SLCO4A1: variants seen among roughly 807,000 people sequenced by gnomAD.
SLCO4A1 encodes colon organic anion transporter.
A neutral mutation model predicts 64.6 loss-of-function variants in SLCO4A1; 51 were observed. The ratio of observed to expected loss-of-function variants is 0.79; its 90% confidence interval spans 0.63 to 1.00. The LOEUF (loss-of-function observed/expected upper bound fraction) is 1.00. Ranked by LOEUF, SLCO4A1 falls within the 50% of genes least tolerant of loss-of-function variation. SLCO4A1 has a pLI of 0.00. For synonymous variants in SLCO4A1, 471 were observed against 444.9 expected (o/e 1.06, Z -0.74); for missense variants, 919 against 980.5 (o/e 0.94, Z 0.84).
rs748935189 is a variant in SLCO4A1 at position 62,666,424 on chromosome 20, G to A, written c.1321G>A (p.Gly441Ser). 1.1e-5 allele frequency: 18 copies of A among 1,613,048 alleles called. No individual in the cohort carries two copies. The highest frequency in any genetic ancestry group is 3.3e-5 in the South Asian group (3 of 91,084). ...PAGGGGTFLG[G>S]FFVNKLRLRG... The stretch of plus-strand genomic sequence containing the variant: ...GGGTGGTGGCGGCACCTTCCTGGGC[G>A]GCTTCTTTGTGAACAAGCTCAGGCT... The change falls in exon 7 of 12, where the codon GGC becomes AGC. Residue 441 changes from glycine to serine, a missense_variant. By Grantham distance (56) the Gly-to-Ser change is moderately conservative. Coordinates refer to ENST00000217159, the MANE Select transcript of SLCO4A1 (RefSeq NM_016354.4).
chr20:62,681,795 C>G (rs575998587), intron 2 of SLCO4A1, among the ~76,000 whole-genome samples: 7 of 152,018 alleles, frequency 4.6e-5, no homozygotes, highest in African/African-American at 1.7e-4. Context: ...CATCTAGGCC[C>G]GGAGATTTCT....
chr20:62,671,540 G>C (rs901100429), intron 11 of SLCO4A1, among the ~76,000 whole-genome samples: 2 of 116,146 alleles, frequency 1.7e-5, no homozygotes, highest in Admixed American at 9.4e-5. Flanking sequence ...TTTAGTCAAA[G>C]GGTGTGTTTC....
downstream of SLCO4A1, among the ~76,000 whole-genome samples, chr20:62,690,107 G>A (rs1164185474): frequency 6.6e-6 from 1 of 152,190 alleles, no homozygotes; most frequent in African/African-American, 2.4e-5. Flanking sequence ...CCAGCTGCAT[G>A]GTGCCTCGGG....
downstream of SLCO4A1, among the ~76,000 whole-genome samples, chr20:62,689,312 C>T (rs1057423748): frequency 9.6e-5 from 12 of 125,198 alleles, no homozygotes; most frequent in South Asian, 1.5e-3. Context: ...GGCCTGTCCC[C>T]GGCTGTGCCC....
rs902925459 is a variant in SLCO4A1 at position 62,645,774 on chromosome 20, C to T, written c.-97+3221C>T. Reference sequence around the variant, plus strand: ...TGCCAGAGAGCCCAGATTCCTCTCCCTCCCACGCGCAGCCAGGCCCTTCCT... The same window carrying T: ...TGCCAGAGAGCCCAGATTCCTCTCCTTCCCACGCGCAGCCAGGCCCTTCCT... On this transcript the variant is annotated intron_variant, in intron 1 of 11. Coordinates refer to ENST00000217159, the MANE Select transcript of SLCO4A1 (RefSeq NM_016354.4). This position sits in a 1 kb window ranked among gnomAD's most constrained non-coding sequence, Gnocchi z 4.2. Among the ~76,000 whole-genome samples, 3 of 151,956 alleles carry T rather than the reference C, an allele frequency of 2.0e-5. No homozygotes were observed. Among genetic ancestry groups the T allele is most frequent in the Non-Finnish European group, 4.4e-5 (3 of 67,984 alleles).
intron 2 of SLCO4A1, among the ~76,000 whole-genome samples, chr20:62,680,408 C>T (rs1371635238): frequency 3.3e-5 from 5 of 152,312 alleles, no homozygotes; most frequent in South Asian, 2.1e-4. Flanking sequence ...CAAATGGGAA[C>T]GGTGAGAGAA....
intron 1 of SLCO4A1, among the ~76,000 whole-genome samples, chr20:62,656,015 C>T (rs1219180977): frequency 6.6e-6 from 1 of 152,242 alleles, no homozygotes; most frequent in Non-Finnish European, 1.5e-5. Context: ...CTCCACTCTC[C>T]ACCGCGTGGC....
chr20:62,670,762 C>A (rs1987101458), intron 11 of SLCO4A1, among the ~76,000 whole-genome samples: 1 of 152,224 alleles, frequency 6.6e-6, no homozygotes, highest in South Asian at 2.1e-4. Flanking sequence ...TCAGAGTTGG[C>A]CTCAGCAGCG....
chr20:62,668,900 T>C (rs932865259), intron 10 of SLCO4A1, 30 bp from the exon 11 acceptor site: 3 of 1,590,864 alleles, frequency 1.9e-6, no homozygotes, highest in Non-Finnish European at 2.6e-6. Flanking sequence ...CCACCAGGAG[T>C]GTGGGTGCTG....
At chr20:62,689,162 G>A (rs1327186386), downstream of SLCO4A1, among the ~76,000 whole-genome samples, 8 of 152,092 alleles carry the variant, frequency 5.3e-5, no homozygotes, top group Admixed American at 6.5e-5. Context: ...TGTGCCCCGC[G>A]CCTCGTAGGC....
intron 1 of SLCO4A1, among the ~76,000 whole-genome samples, chr20:62,653,956 G>C (rs889742552): frequency 1.3e-5 from 2 of 151,886 alleles, no homozygotes; most frequent in South Asian, 4.2e-4. Flanking sequence ...GAGTTAATGG[G>C]TGCAGCACAC....
chr20:62,676,814 A>G (rs1400798583), downstream of SLCO4A1, among the ~76,000 whole-genome samples: 1 of 152,258 alleles, frequency 6.6e-6, no homozygotes, highest in African/African-American at 2.4e-5. Context: ...AAATGAAGAC[A>G]TATGTCCACA....
In SLCO4A1 at chr20:62,683,833, G is replaced by A. The variant is rs1264563770; in HGVS notation, n.212-1608G>A. ...TCAGTAAGTGATGCAACGCTGCACC[G>A]GATGCAAGATCACGTGACCACACGC... On this transcript the variant is annotated intron_variant and non_coding_transcript_variant, in intron 2 of 2. Transcript: ENST00000466818. 3.3e-5 allele frequency among the ~76,000 whole-genome samples: 5 copies of A among 152,308 alleles called. No individual in the cohort carries two copies. The South Asian group carries it at 8.3e-4, about 25-fold the overall frequency.
intron 6 of SLCO4A1, chr20:62,666,139 T>TC (rs1986276959): frequency 7.4e-5 from 6 of 80,950 alleles, no homozygotes; most frequent in African/African-American, 2.9e-4. Flanking sequence ...CCCTTCCCCT[T>TC]CCCCTTCCCC....
Position 62,645,929 on chromosome 20 carries a change from G to T in SLCO4A1, c.-97+3376G>T, listed in dbSNP as rs910139648. Among the ~76,000 whole-genome samples, 3 of 152,114 alleles carry T rather than the reference G, an allele frequency of 2.0e-5. No homozygotes were observed. The highest frequency in any genetic ancestry group is 7.2e-5 in the African/African-American group (3 of 41,436). On this transcript the variant is annotated intron_variant, in intron 1 of 11. Transcript: ENST00000217159. This position sits in a 1 kb window ranked among gnomAD's most constrained non-coding sequence, Gnocchi z 4.2. ...TGCTTTGGGTGGCGTGTGTCGTCCAGTCTGCCCCAGGCTCACTTGGGGCCC... is the reference window on the plus strand; with the variant it reads ...TGCTTTGGGTGGCGTGTGTCGTCCATTCTGCCCCAGGCTCACTTGGGGCCC...
chr20:62,675,102 G>A (rs1031843581), downstream of SLCO4A1, among the ~76,000 whole-genome samples: 1 of 152,202 alleles, frequency 6.6e-6, no homozygotes, highest in Admixed American at 6.5e-5. Flanking sequence ...GCTGCAGAGA[G>A]GACAGAGAGA....
intron 6 of SLCO4A1, chr20:62,665,362 C>T: frequency 2.4e-6 from 1 of 413,310 alleles, no homozygotes; most frequent in Non-Finnish European, 4.3e-6. Context: ...GTCTTGGCTT[C>T]TGTGACTTGG....
chr20:62,674,514 G>T (rs1223281361), downstream of SLCO4A1, among the ~76,000 whole-genome samples: 1 of 152,238 alleles, frequency 6.6e-6, no homozygotes, highest in Non-Finnish European at 1.5e-5. Context: ...GGCACACGCG[G>T]TCTGGCCACC....
At chr20:62,676,332 A>G (rs1987592204), downstream of SLCO4A1, among the ~76,000 whole-genome samples, 2 of 152,142 alleles carry the variant, frequency 1.3e-5, no homozygotes, top group Non-Finnish European at 2.9e-5. Context: ...AGGTGGGAGG[A>G]TCGCCTAAGC....
Sources: allele counts gnomAD v4.1 joint callset (sites outside exome capture counted in the v4.1 genomes callset), GRCh38; gene constraint gnomAD v4.1.1; non-coding constraint Gnocchi (gnomAD v3.1); transcripts MANE v1.5; gene names NCBI Gene and HGNC (gene_info 2026-07-23, HGNC 2026-07-21).